Variants in CATSPERT observed in about 807,000 individuals in gnomAD.
CATSPERT encodes catsper channel auxiliary subunit tau, also known as cation channel sperm-associated targeting subunit tau.
chr2:201,575,322 C>G, the CATSPERT span: 2 of 1,589,086 alleles, frequency 1.3e-6, no homozygotes, highest in Non-Finnish European at 1.7e-6. Flanking sequence ...AATGAAGCAC[C>G]CTTTCTAGAA....
the CATSPERT span, among the ~76,000 whole-genome samples, chr2:201,606,910 A>C: frequency 6.6e-6 from 1 of 152,040 alleles, no homozygotes; most frequent in African/African-American, 2.4e-5. Flanking sequence ...AAAAAAAAAA[A>C]AAAAAGACTT....
the CATSPERT span, chr2:201,491,747 G>T: frequency 6.5e-7 from 1 of 1,537,098 alleles, no homozygotes; most frequent in Non-Finnish European, 8.7e-7. Context: ...ATGTTTACAT[G>T]CTCCTTTCTA....
chr2:201,604,795 C>T, the CATSPERT span: 6 of 850,324 alleles, frequency 7.1e-6, no homozygotes, highest in African/African-American at 7.0e-5. Context: ...TAGTAAGTGT[C>T]AGGTCTCCTC....
the CATSPERT span, chr2:201,556,110 G>C: frequency 1.3e-5 from 2 of 152,150 alleles, no homozygotes; most frequent in African/African-American, 2.4e-5. Context: ...TACTGAGAAA[G>C]TATGCGATAA....
the CATSPERT span, among the ~76,000 whole-genome samples, chr2:201,571,574 A>G: frequency 6.6e-6 from 1 of 152,172 alleles, no homozygotes; most frequent in Non-Finnish European, 1.5e-5. Flanking sequence ...CAGAAAACTG[A>G]TAACTATCAG....
chr2:201,511,602 T>A, the CATSPERT span: 1 of 151,988 alleles, frequency 6.6e-6, no homozygotes, highest in Admixed American at 6.6e-5. Context: ...ATCCTGACTT[T>A]TGGGGAAATG....
At chr2:201,596,569 A>G in the CATSPERT span, among the ~76,000 whole-genome samples, 1 of 152,198 alleles carries the variant, frequency 6.6e-6, no homozygotes, top group Non-Finnish European at 1.5e-5. Flanking sequence ...CCCAGAACTT[A>G]AAAGTTAAAA....
chr2:201,530,961 G>GTTTTTTT, the CATSPERT span, among the ~76,000 whole-genome samples: 33,268 of 104,766 alleles, frequency 0.32, 6,765 homozygotes, highest in East Asian at 0.77. Flanking sequence ...TTTTTTGTGG[G>GTTTTTTT]TTTTTTTTTT....
At chr2:201,578,065 G>T in the CATSPERT span, among the ~76,000 whole-genome samples, 2 of 152,112 alleles carry the variant, frequency 1.3e-5, no homozygotes, top group African/African-American at 2.4e-5. Flanking sequence ...ATATGGAATT[G>T]TATGCAGCAG....
the CATSPERT span, among the ~76,000 whole-genome samples, chr2:201,526,241 AGGCATGGT>A: frequency 6.6e-6 from 1 of 152,278 alleles, no homozygotes; most frequent in East Asian, 1.9e-4. Context: ...AAACTGGGCC[AGGCATGGT>A]GGCTCACACC....
At chr2:201,576,581 G>A in the CATSPERT span, among the ~76,000 whole-genome samples, 1 of 152,174 alleles carries the variant, frequency 6.6e-6, no homozygotes, top group Non-Finnish European at 1.5e-5. Flanking sequence ...TTACTTTGTT[G>A]TGGAATGTAA....
At chr2:201,530,935 TTTTTG>T in the CATSPERT span, among the ~76,000 whole-genome samples, 1 of 150,950 alleles carries the variant, frequency 6.6e-6, no homozygotes, top group African/African-American at 2.4e-5. Flanking sequence ...CACTGCAGTG[TTTTTG>T]TTTTGTTTTG....
At chr2:201,575,243 A>G in the CATSPERT span, 24 of 1,515,196 alleles carry the variant, frequency 1.6e-5, no homozygotes, top group Non-Finnish European at 2.1e-5. Context: ...AATATATTAC[A>G]TGCACATAAA....
chr2:201,492,835 T>G, the CATSPERT span: 2 of 1,536,530 alleles, frequency 1.3e-6, no homozygotes, highest in Admixed American at 2.0e-5. Context: ...CTTGGTGATA[T>G]GTCCTGATTC....
the CATSPERT span, among the ~76,000 whole-genome samples, chr2:201,579,471 A>G: frequency 1.5e-4 from 23 of 151,806 alleles, no homozygotes; most frequent in Admixed American, 6.6e-5. Flanking sequence ...GTTTTTAGAG[A>G]AAGGGTTTCA....
At chr2:201,579,493 AG>A in the CATSPERT span, among the ~76,000 whole-genome samples, 1 of 152,084 alleles carries the variant, frequency 6.6e-6, no homozygotes, top group Non-Finnish European at 1.5e-5. Context: ...CATGTTCCCC[AG>A]GCTGGTCTCA....
the CATSPERT span, among the ~76,000 whole-genome samples, chr2:201,558,753 A>G: frequency 6.6e-6 from 1 of 152,158 alleles, no homozygotes; most frequent in East Asian, 1.9e-4. Flanking sequence ...CACCTCTGTG[A>G]GCCAAGCTGC....
the CATSPERT span, among the ~76,000 whole-genome samples, chr2:201,590,045 T>G: frequency 6.6e-6 from 1 of 152,188 alleles, no homozygotes. Flanking sequence ...GCAGGTTAGT[T>G]ACATATGTAT....
At chr2:201,487,452 A>C in the CATSPERT span, 1 of 685,056 alleles carries the variant, frequency 1.5e-6, no homozygotes, top group Non-Finnish European at 2.4e-6. Context: ...TCAAAACAAA[A>C]TGGTTCTAAC....
Sources: gnomAD v4.1 joint callset for allele counts (sites outside exome capture counted in the v4.1 genomes callset) on GRCh38, gnomAD v4.1.1 for gene constraint, MANE v1.5 for transcripts, NCBI Gene and HGNC (gene_info 2026-07-23, HGNC 2026-07-21) for gene names.